Variants in NBPF20 observed in about 807,000 individuals in gnomAD.
NBPF20 encodes NBPF member 20.
In NBPF20, 90 loss-of-function variants were observed where a neutral mutation model predicts 68.1. The ratio of observed to expected loss-of-function variants is 1.32; its 90% CI spans 1.11 to 1.58. NBPF20 has a LOEUF of 1.58. Ranked by LOEUF, NBPF20 falls within the 40% of genes most tolerant of loss-of-function variation. The pLI, the probability that NBPF20 is intolerant of heterozygous loss-of-function variation, is 0.00. For missense variants in NBPF20, 816 were observed against 601.2 expected (o/e 1.36, Z -3.74); for synonymous variants, 290 against 228.1 (o/e 1.27, Z -2.45).
chr1:145,372,454 A>G, intron 36 of NBPF20, 58 bp downstream of exon 41: 1 of 351,544 alleles, frequency 2.8e-6, no homozygotes, highest in Admixed American at 5.3e-5. Context: ...GAACAGGAAT[A>G]TCACCCCTAT....
At chr1:145,404,225 C>A (rs587617322) in intron 2 of NBPF20, among the ~76,000 whole-genome samples, 1 of 142,680 alleles carries the variant, frequency 7.0e-6, no homozygotes, top group Admixed American at 7.2e-5. Context: ...CCAAGCTACT[C>A]TCTGCTTTTT....
chr1:145,392,963 C>T, intron 10 of NBPF20, 111 bp downstream of exon 15: 1 of 345,190 alleles, frequency 2.9e-6, no homozygotes, highest in Non-Finnish European at 4.9e-6. Flanking sequence ...CCTATAGGAC[C>T]TCCCTGTGGC....
chr1:145,393,479 A>G (rs1372407007), intron 9 of NBPF20, among the ~76,000 whole-genome samples: 2 of 151,974 alleles, frequency 1.3e-5, no homozygotes, highest in East Asian at 3.9e-4. Context: ...ACACACACAC[A>G]CACACACACA....
intron 136 of NBPF20, 135 bp from the exon 142 acceptor site, chr1:145,292,624 G>C: frequency 2.7e-6 from 2 of 744,172 alleles, no homozygotes; most frequent in East Asian, 2.4e-5. Context: ...ATATATTTCA[G>C]GAGGCCTGAA....
chr1:145,291,756 G>A (rs374140805), exon 138 of NBPF20: 2 of 1,611,884 alleles, frequency 1.2e-6, no homozygotes. Context: ...ACTTCCATCA[G>A]CACGCCGTTG....
At chr1:145,396,574 A>C (rs1553663895) in intron 7 of NBPF20, among the ~76,000 whole-genome samples, 90 of 151,270 alleles carry the variant, frequency 5.9e-4, no homozygotes, top group South Asian at 1.9e-3. Context: ...GTTGAAATGA[A>C]GGAAAAAATG....
intron 6 of NBPF20, among the ~76,000 whole-genome samples, chr1:145,399,985 T>G (rs1183870192): frequency 6.6e-6 from 1 of 152,146 alleles, no homozygotes; most frequent in East Asian, 1.9e-4. Flanking sequence ...CTGAGAGCAG[T>G]GAAGCCGGGG....
intron 9 of NBPF20, among the ~76,000 whole-genome samples, chr1:145,393,456 C>A (rs1409434635): frequency 1.8e-5 from 2 of 110,844 alleles, no homozygotes; most frequent in African/African-American, 8.2e-5. Context: ...CACACACACA[C>A]AAACACACAC....
At chr1:145,291,368 A>G (rs1474383847) in exon 138 of NBPF20, 4 of 1,522,860 alleles carry the variant, frequency 2.6e-6, no homozygotes, top group Non-Finnish European at 2.7e-6. Flanking sequence ...GACTGAGCAC[A>G]GGTTGCCACT....
upstream of NBPF20, among the ~76,000 whole-genome samples, chr1:145,409,262 T>C (rs1242601092): frequency 6.6e-6 from 1 of 151,738 alleles, no homozygotes; most frequent in Non-Finnish European, 1.5e-5. Flanking sequence ...GGCTATACCA[T>C]GTATGTTTGT....
intron 2 of NBPF20, among the ~76,000 whole-genome samples, chr1:145,403,755 G>A (rs1210531617): frequency 2.0e-5 from 3 of 151,674 alleles, no homozygotes; most frequent in African/African-American, 7.3e-5. Flanking sequence ...TCAAGGACAA[G>A]TATGTGAAAG....
intron 73 of NBPF20, among the ~76,000 whole-genome samples, chr1:145,343,004 C>T (rs1661635491): frequency 3.2e-5 from 1 of 31,626 alleles, no homozygotes; most frequent in Non-Finnish European, 5.6e-5. Context: ...TCTGGTCCAC[C>T]TACAGTAGGT....
chr1:145,421,641 A>AAC, the NBPF20 span, among the ~76,000 whole-genome samples: 2 of 152,236 alleles, frequency 1.3e-5, no homozygotes, highest in Admixed American at 6.5e-5. Context: ...AATGAGATTG[A>AAC]ACACATACAA....
At chr1:145,424,698 A>G in the NBPF20 span, among the ~76,000 whole-genome samples, 1 of 152,218 alleles carries the variant, frequency 6.6e-6, no homozygotes, top group African/African-American at 2.4e-5. Context: ...GAGAAGATCT[A>G]ACAAGCCAGA....
chr1:145,291,718 T>C (rs782085156), exon 138 of NBPF20: 1 of 1,611,924 alleles, frequency 6.2e-7, no homozygotes, highest in South Asian at 1.1e-5. Flanking sequence ...ATCCATCCAG[T>C]GAGTCCTGTA....
intron 4 of NBPF20, 32 bp downstream of exon 9, chr1:145,402,135 T>G (rs1435336544): frequency 2.2e-6 from 3 of 1,369,508 alleles, no homozygotes; most frequent in Non-Finnish European, 2.1e-6. Context: ...AAGCCTGGGA[T>G]TTTGGGTCAT....
intron 115 of NBPF20, among the ~76,000 whole-genome samples, chr1:145,309,497 CAG>C (rs1386710883): frequency 1.3e-5 from 1 of 77,126 alleles, no homozygotes; most frequent in African/African-American, 6.6e-5. Flanking sequence ...CACACACACA[CAG>C]AGAGAGAGAA....
chr1:145,291,240 G>A, exon 138 of NBPF20: 1 of 559,958 alleles, frequency 1.8e-6, no homozygotes, highest in Non-Finnish European at 3.2e-6. Context: ...AATCCCTGAG[G>A]AATTTTGTAG....
intron 133 of NBPF20, 151 bp from the exon 139 acceptor site, chr1:145,295,105 A>T (rs1175215520): frequency 1.7e-6 from 1 of 585,996 alleles, no homozygotes; most frequent in African/African-American, 2.4e-5. Context: ...TTATGTTGGG[A>T]TAGACCAGGG....
Sources: gnomAD v4.1 joint callset for allele counts (sites outside exome capture counted in the v4.1 genomes callset) on GRCh38, gnomAD v4.1.1 for gene constraint, MANE v1.5 for transcripts, NCBI Gene and HGNC (gene_info 2026-07-23, HGNC 2026-07-21) for gene names.